AGBL1: variants seen among roughly 807,000 people sequenced by gnomAD.
AGBL1 encodes cytosolic carboxypeptidase 4.
AGBL1 carries 130 observed loss-of-function variants against 118.9 expected under a neutral mutation model. The ratio of observed to expected loss-of-function variants is 1.09; its 90% CI spans 0.95 to 1.26. The LOEUF (loss-of-function observed/expected upper bound fraction) is 1.26. AGBL1 is among the 50% of genes most tolerant of loss of function. AGBL1 has a pLI of 0.00. For synonymous variants in AGBL1, 555 were observed against 478.9 expected, an observed-to-expected ratio of 1.16 and a Z score of -2.08; for missense variants, 1,584 against 1,298.1, an observed-to-expected ratio of 1.22 and a Z score of -3.38.
chr15:86,440,066 T>C (rs1403600891), intron 18 of AGBL1, among the ~76,000 whole-genome samples: 1 of 152,152 alleles, frequency 6.6e-6, no homozygotes, highest in East Asian at 1.9e-4. Context: ...ATAATAAAAG[T>C]TTATTGACTA....
At chr15:86,663,329 G>A (rs1021103921) in intron 21 of AGBL1, among the ~76,000 whole-genome samples, 2 of 152,204 alleles carry the variant, frequency 1.3e-5, no homozygotes, top group East Asian at 1.9e-4. Flanking sequence ...TCAAAATGAT[G>A]TATGTAACCA....
rs527315529 is a variant in AGBL1, at chr15:87,011,507, C to T, written c.3324-17318C>T. Among the ~76,000 whole-genome samples, 6 of 152,354 alleles carry T rather than the reference C, an allele frequency of 3.9e-5. No homozygotes were observed. The East Asian group carries it at 1.2e-3, about 29-fold the overall frequency. On this transcript the variant is annotated intron_variant, in intron 24 of 24. Transcript: ENST00000441037. ...ATAAGAGATAAATTACTTGGTAATT[C>T]TGTATGTCACCAAAATATTCCCCTT...
chr15:86,643,595 A>G (rs186282522), intron 21 of AGBL1, among the ~76,000 whole-genome samples: 6 of 152,230 alleles, frequency 3.9e-5, no homozygotes, highest in Non-Finnish European at 8.8e-5. Flanking sequence ...TATTTTTTAA[A>G]AAGAACTGAT....
chr15:86,887,895 A>G (rs184711624), intron 22 of AGBL1, among the ~76,000 whole-genome samples: 177 of 152,288 alleles, frequency 1.2e-3, no homozygotes, highest in Admixed American at 2.2e-3. Flanking sequence ...ACACAGAGGT[A>G]TAGATTCATA....
rs780652473 is a variant in AGBL1, at chr15:86,545,995, ATTGTAGGT to A, written c.2686-4_2689del. ...GTTTTATTTTCTCCTTTGTTGGGCT[ATTGTAGGT>A]TTTCTGTGACTTCCATGGCCACTCC... On this transcript the variant is annotated splice_acceptor_variant and splice_polypyrimidine_tract_variant and coding_sequence_variant and intron_variant, in exon 20 of 23. Coordinates refer to ENST00000614907, the MANE Select transcript of AGBL1 (RefSeq NM_001386094.1). LOFTEE classifies it high-confidence loss of function. 1 of 1,612,244 alleles carries A rather than the reference ATTGTAGGT, an allele frequency of 6.2e-7. No homozygotes were observed. The highest frequency in any genetic ancestry group is 1.1e-5 in the South Asian group (1 of 90,992).
At chr15:86,924,576 G>A (rs1479994752) in intron 23 of AGBL1, among the ~76,000 whole-genome samples, 1 of 152,104 alleles carries the variant, frequency 6.6e-6, no homozygotes, top group Non-Finnish European at 1.5e-5. Context: ...TCTCTGTTTG[G>A]GAGAGAAAGA....
At chr15:87,013,109 C>T (rs144457246) in intron 24 of AGBL1, among the ~76,000 whole-genome samples, 1 of 152,204 alleles carries the variant, frequency 6.6e-6, no homozygotes, top group East Asian at 1.9e-4. Flanking sequence ...CAAGTAATTG[C>T]GGTGGCTTCA....
intron 22 of AGBL1, among the ~76,000 whole-genome samples, chr15:86,840,607 A>G (rs2079231448): frequency 6.6e-6 from 1 of 151,900 alleles, no homozygotes; most frequent in African/African-American, 2.4e-5. Flanking sequence ...TACCATGCCA[A>G]GCTAATTTTG....
intron 23 of AGBL1, among the ~76,000 whole-genome samples, chr15:86,947,146 C>A (rs769830986): frequency 6.6e-6 from 1 of 152,136 alleles, no homozygotes; most frequent in South Asian, 2.1e-4. Flanking sequence ...GGTGGGAATT[C>A]TTTGCTGATC....
Position 86,928,259 on chromosome 15 carries a change from G to A in AGBL1, c.3222-59728G>A, listed in dbSNP as rs368587098. 8.5e-5 allele frequency among the ~76,000 whole-genome samples: 13 copies of A among 152,266 alleles called. No individual in the cohort carries two copies. In the East Asian group the frequency reaches 1.4e-3, roughly 16 times the overall value. On this transcript the variant is annotated intron_variant, in intron 23 of 24. Coordinates refer to the AGBL1 transcript ENST00000441037. Reference sequence around the variant, plus strand: ...CAGAATCTGTGATGCAGAGCAAAGAGAGGGCAGAGGAACAGAATGGACCAA... The same window carrying A: ...CAGAATCTGTGATGCAGAGCAAAGAAAGGGCAGAGGAACAGAATGGACCAA...
chr15:86,184,934 C>A (rs1000519534), intron 5 of AGBL1, among the ~76,000 whole-genome samples: 1 of 152,108 alleles, frequency 6.6e-6, no homozygotes, highest in African/African-American at 2.4e-5. Flanking sequence ...AATTAAAGAG[C>A]TTCTGCACAG....
intron 4 of AGBL1, among the ~76,000 whole-genome samples, chr15:86,155,550 A>G (rs1249848518): frequency 6.6e-6 from 1 of 152,212 alleles, no homozygotes; most frequent in Non-Finnish European, 1.5e-5. Context: ...TCTATTCCAT[A>G]TGGAAACTTT....
At chr15:86,229,038 A>C (rs2078412545) in intron 6 of AGBL1, among the ~76,000 whole-genome samples, 1 of 152,204 alleles carries the variant, frequency 6.6e-6, no homozygotes, top group Non-Finnish European at 1.5e-5. Context: ...CCTGTATTGA[A>C]AGTTTTGCCT....
In AGBL1 at chr15:86,613,978, G is replaced by T. The variant is rs2084690296; in HGVS notation, c.2994+59441G>T. On this transcript the variant is annotated intron_variant, in intron 21 of 22. Coordinates refer to ENST00000614907, the MANE Select transcript of AGBL1 (RefSeq NM_001386094.1). This position sits in a 1 kb window ranked among gnomAD's most constrained non-coding sequence, Gnocchi z 4.2. ...CCTAAGGGAGGTGGGGTAATGTGCT[G>T]CTGCAAACTTTGTACGGTAAGGGAA... is the stretch of plus-strand genomic sequence containing the variant. Among the ~76,000 whole-genome samples, 1 of 152,166 alleles carries T rather than the reference G, an allele frequency of 6.6e-6. No homozygotes were observed. The highest frequency in any genetic ancestry group is 6.5e-5 in the Admixed American group (1 of 15,274).
chr15:86,241,383 A>G (rs557434536), intron 6 of AGBL1, among the ~76,000 whole-genome samples: 2 of 152,238 alleles, frequency 1.3e-5, no homozygotes, highest in Non-Finnish European at 2.9e-5. Flanking sequence ...AGAATGTTTC[A>G]ATTATTTTTA....
At chr15:86,412,182 C>T (rs980372107) in intron 18 of AGBL1, among the ~76,000 whole-genome samples, 17 of 152,210 alleles carry the variant, frequency 1.1e-4, no homozygotes, top group African/African-American at 4.1e-4. Flanking sequence ...CTAGTCTATA[C>T]AGACATGCAT....
At chr15:86,610,971 C>T (rs1276669453) in intron 21 of AGBL1, among the ~76,000 whole-genome samples, 1 of 152,158 alleles carries the variant, frequency 6.6e-6, no homozygotes, top group Non-Finnish European at 1.5e-5. Context: ...CCACTTCAGA[C>T]CTGCTGAATC....
At chr15:86,583,152 T>A (rs28739435) in intron 21 of AGBL1, among the ~76,000 whole-genome samples, 37,447 of 149,594 alleles carry the variant, frequency 0.25, 4,631 homozygotes, top group African/African-American at 0.28. Flanking sequence ...AATTGGAATT[T>A]AAAAAAAAAA....
chr15:86,624,080 A>G (rs2346718), intron 21 of AGBL1, among the ~76,000 whole-genome samples: 23,731 of 152,230 alleles, frequency 0.16, 2,258 homozygotes, highest in African/African-American at 0.25. Flanking sequence ...AAGAAAAGCT[A>G]AACAAAAGCA....
Sources: allele counts gnomAD v4.1 joint callset (sites outside exome capture counted in the v4.1 genomes callset), GRCh38; gene constraint gnomAD v4.1.1; non-coding constraint Gnocchi (gnomAD v3.1); transcripts MANE v1.5; gene names NCBI Gene and HGNC (gene_info 2026-07-23, HGNC 2026-07-21).